The following GLRA2 variants were observed in gnomAD, a reference collection of about 807,000 sequenced individuals.
GLRA2 encodes the protein glycine receptor subunit alpha-2.
GLRA2 carries 11 observed loss-of-function variants against 31.6 expected under a neutral mutation model. The ratio of observed to expected loss-of-function variants is 0.35; its 90% CI spans 0.22 to 0.58. The LOEUF is 0.58. Among genes scored for constraint, GLRA2 ranks in the 20% least tolerant of loss-of-function variants. The pLI, the probability that GLRA2 is intolerant of heterozygous loss-of-function variation, is 0.84. For synonymous variants in GLRA2, 132 were observed against 134.0 expected (o/e 0.99, Z 0.10); for missense variants, 212 against 351.8 (o/e 0.60, Z 3.18).
At chrX:14,542,516 C>T (rs898011626) in intron 2 of GLRA2, among the ~76,000 whole-genome samples, 2 of 110,631 alleles carry the variant, frequency 1.8e-5, no homozygotes, top group Non-Finnish European at 3.8e-5. Context: ...CCGGTCAAAG[C>T]TGTAGTTATG....
At chrX:14,656,057 A>C (rs1240486332) in intron 7 of GLRA2, among the ~76,000 whole-genome samples, 1 of 111,979 alleles carries the variant, frequency 8.9e-6, no homozygotes, top group East Asian at 2.8e-4. Context: ...ACTGCATCAC[A>C]ATCTGAAATT....
At chrX:14,631,252 C>CT (rs1163255633) in intron 7 of GLRA2, among the ~76,000 whole-genome samples, 1 of 111,304 alleles carries the variant, frequency 9.0e-6, no homozygotes, top group East Asian at 2.8e-4. Context: ...TGATTTGGGT[C>CT]TTTTTTATGT....
At chrX:14,634,793 TTTTTC>T (rs1319892171) in intron 7 of GLRA2, among the ~76,000 whole-genome samples, 2 of 112,033 alleles carry the variant, frequency 1.8e-5, no homozygotes, top group Admixed American at 9.5e-5. Flanking sequence ...AGCACCTTTA[TTTTTC>T]AACAAGGGCT....
chrX:14,623,909 G>A (rs1294048542), intron 7 of GLRA2, among the ~76,000 whole-genome samples: 1 of 111,834 alleles, frequency 8.9e-6, no homozygotes, highest in African/African-American at 3.3e-5. Flanking sequence ...GATTGGAAGA[G>A]TTTCAGAAGG....
chrX:14,604,679 A>G lies in GLRA2; in HGVS notation c.577+282A>G, dbSNP rs1367648755. Among the ~76,000 whole-genome samples, 4 of 108,989 alleles carry G rather than the reference A, an allele frequency of 3.7e-5. No individual in the cohort carries two copies. The East Asian group carries it at 1.2e-3, about 32-fold the overall frequency. The allele number at this position is 108,989 out of a possible 115,157, so 94.6% of individuals were successfully genotyped here. ...CTTGCCTTTCTCCCCCCGCCCAAAA[A>G]ATAGCCTGATTTGGTAAGCTTTTCA... On this transcript the variant is annotated intron_variant, in intron 5 of 8. Coordinates refer to ENST00000218075, the MANE Select transcript of GLRA2 (RefSeq NM_002063.4).
Position 14,588,152 on chromosome X carries a change from C to T in GLRA2, c.494+6746C>T, listed in dbSNP as rs751137742. On this transcript the variant is annotated intron_variant, in intron 4 of 8. Transcript: ENST00000218075. Reference sequence around the variant, plus strand: ...GAACTCCCGACAAGTGATCTGCCCACCTCAGCCTCCCAAAGTGTTGGGATT... The same window carrying T: ...GAACTCCCGACAAGTGATCTGCCCATCTCAGCCTCCCAAAGTGTTGGGATT... 5.4e-5 allele frequency among the ~76,000 whole-genome samples: 6 copies of T among 111,677 alleles called. No individual in the cohort carries two copies. The East Asian group carries it at 1.7e-3, about 31-fold the overall frequency.
At chrX:14,460,677 T>C in the GLRA2 span, among the ~76,000 whole-genome samples, 1 of 112,307 alleles carries the variant, frequency 8.9e-6, no homozygotes, top group South Asian at 3.7e-4. Context: ...TGATGGTAGT[T>C]TGTATTTCTG....
intron 6 of GLRA2, 72 bp from the exon 7 acceptor site, chrX:14,608,916 TTTA>T: frequency 2.0e-6 from 1 of 501,573 alleles, no homozygotes; most frequent in East Asian, 3.5e-5. Context: ...TTTTTTTTTT[TTTA>T]AACAACGTGG....
chrX:14,692,776 G>C (rs1426513400), intron 8 of GLRA2, among the ~76,000 whole-genome samples: 1 of 111,988 alleles, frequency 8.9e-6, no homozygotes, highest in Non-Finnish European at 1.9e-5. Flanking sequence ...ATAGTTGTTA[G>C]GGAATTTTTG....
intron 7 of GLRA2, among the ~76,000 whole-genome samples, chrX:14,673,817 GTTATC>G (rs1268522006): frequency 1.8e-5 from 2 of 112,473 alleles, no homozygotes; most frequent in African/African-American, 6.5e-5. Context: ...GAAGATTGCG[GTTATC>G]TGCCATCTAT....
chrX:14,484,161 G>A, the GLRA2 span, among the ~76,000 whole-genome samples: 1 of 111,684 alleles, frequency 9.0e-6, no homozygotes. Context: ...TGTCTGTCTA[G>A]AGAACCCTAA....
At chrX:14,564,506 T>A (rs2089777098) in intron 2 of GLRA2, among the ~76,000 whole-genome samples, 1 of 111,729 alleles carries the variant, frequency 9.0e-6, no homozygotes, top group Non-Finnish European at 1.9e-5. Flanking sequence ...TAAGTAGAAG[T>A]CTTATGAATA....
intron 7 of GLRA2, among the ~76,000 whole-genome samples, chrX:14,623,258 A>G (rs111728328): frequency 0.028 from 3,138 of 111,563 alleles, 70 homozygotes; most frequent in African/African-American, 0.078. Flanking sequence ...GGCTGAGACA[A>G]TGGGGTTTTC....
intron 7 of GLRA2, among the ~76,000 whole-genome samples, chrX:14,624,922 G>C (rs989090250): frequency 9.0e-6 from 1 of 111,035 alleles, no homozygotes; most frequent in African/African-American, 3.3e-5. Flanking sequence ...TTTCTTTCTC[G>C]TTGATCTGTC....
the GLRA2 span, among the ~76,000 whole-genome samples, chrX:14,493,731 A>ATGTATACATG: frequency 1.0e-5 from 1 of 99,701 alleles, no homozygotes; most frequent in Non-Finnish European, 2.0e-5. Flanking sequence ...ATACGTGTAT[A>ATGTATACATG]TGTATACATA....
the GLRA2 span, among the ~76,000 whole-genome samples, chrX:14,458,738 ATTTG>A: frequency 9.0e-6 from 1 of 111,187 alleles, no homozygotes; most frequent in Non-Finnish European, 1.9e-5. Context: ...TTTCTTGTAA[ATTTG>A]TTTGAGTTCA....
At chrX:14,522,605 T>TAAATAATAAG in the GLRA2 span, among the ~76,000 whole-genome samples, 1 of 112,468 alleles carries the variant, frequency 8.9e-6, no homozygotes, top group Non-Finnish European at 1.9e-5. Context: ...ATGTATTTCT[T>TAAATAATAAG]AAATAATAAG....
chrX:14,712,299 C>A (rs1340175206), intron 8 of GLRA2, among the ~76,000 whole-genome samples: 1 of 111,992 alleles, frequency 8.9e-6, no homozygotes, highest in Admixed American at 9.4e-5. Context: ...GCCAGTAAAA[C>A]ACCCTCTCCC....
intron 2 of GLRA2, among the ~76,000 whole-genome samples, chrX:14,573,773 TTTTG>T (rs991338418): frequency 2.7e-5 from 3 of 110,344 alleles, no homozygotes; most frequent in Admixed American, 2.0e-4. Context: ...CTTAAGTTAA[TTTTG>T]TTTGTTATAT....
Sources: allele counts gnomAD v4.1 joint callset (sites outside exome capture counted in the v4.1 genomes callset), GRCh38; gene constraint gnomAD v4.1.1; transcripts MANE v1.5; gene names NCBI Gene and HGNC (gene_info 2026-07-23, HGNC 2026-07-21).